Variants in GADL1 observed in about 807,000 individuals in gnomAD.
GADL1 encodes GAD like acidic amino acid decarboxylase 1, also known as acidic amino acid decarboxylase GADL1.
Under a neutral mutation model 69.5 loss-of-function variants are expected in GADL1, and 71 were observed. The ratio of observed to expected loss-of-function variants is 1.02; its 90% CI spans 0.84 to 1.25. The LOEUF is 1.25. GADL1 is among the 50% of genes most tolerant of loss of function. The probability of loss-of-function intolerance (pLI) is 0.00; values close to 1 mark genes in which losing one functional copy is unlikely to be tolerated. For missense variants in GADL1, 737 were observed against 631.8 expected, an observed-to-expected ratio of 1.17 and a Z score of -1.79; for synonymous variants, 254 against 214.4, an observed-to-expected ratio of 1.18 and a Z score of -1.62.
chr3:30,740,672 C>T (rs1217476142), intron 14 of GADL1, among the ~76,000 whole-genome samples: 2 of 151,792 alleles, frequency 1.3e-5, no homozygotes, highest in African/African-American at 4.8e-5. Flanking sequence ...CATATATGCC[C>T]CTAGGGTTTC....
chr3:30,888,956 T>A (rs1008593382), intron 1 of GADL1, among the ~76,000 whole-genome samples: 4 of 151,826 alleles, frequency 2.6e-5, no homozygotes, highest in Non-Finnish European at 2.9e-5. Context: ...GCAATATATA[T>A]AAATGTATAA....
intron 2 of GADL1, among the ~76,000 whole-genome samples, chr3:30,858,581 C>T (rs994562103): frequency 3.3e-5 from 5 of 152,054 alleles, no homozygotes; most frequent in African/African-American, 1.2e-4. Context: ...CCCAAGGTTT[C>T]CAGCTTGGAC....
At chr3:30,857,227 A>T (rs760405479) in intron 2 of GADL1, 86 bp from the exon 3 acceptor site, 32 of 1,155,378 alleles carry the variant, frequency 2.8e-5, no homozygotes, top group Middle Eastern at 2.0e-4. Flanking sequence ...TACCATTACA[A>T]AGCTTCTGGG....
chr3:30,860,767 T>C (rs1698308601), intron 2 of GADL1, among the ~76,000 whole-genome samples: 1 of 151,990 alleles, frequency 6.6e-6, no homozygotes, highest in African/African-American at 2.4e-5. Flanking sequence ...GATTCGGTAA[T>C]TTTAAGAGGC....
intron 1 of GADL1, among the ~76,000 whole-genome samples, chr3:30,871,499 C>A (rs1354294205): frequency 1.3e-5 from 2 of 151,800 alleles, no homozygotes; most frequent in Non-Finnish European, 2.9e-5. Flanking sequence ...AATGGATAGA[C>A]AGCTTTTCTC....
At chr3:30,885,433 C>T (rs559970592) in intron 1 of GADL1, among the ~76,000 whole-genome samples, 1 of 152,130 alleles carries the variant, frequency 6.6e-6, no homozygotes, top group African/African-American at 2.4e-5. Context: ...GCTAAAAAGC[C>T]TGGCCTAAAG....
intron 2 of GADL1, among the ~76,000 whole-genome samples, chr3:30,857,451 G>T (rs1698247221): frequency 6.6e-6 from 1 of 151,922 alleles, no homozygotes; most frequent in South Asian, 2.1e-4. Flanking sequence ...AAGTAACAAA[G>T]ATCAAAAGTA....
chr3:30,867,844 T>G lies in GADL1; in HGVS notation c.38-6079A>C, dbSNP rs546418426. Among the ~76,000 whole-genome samples the G allele has an allele frequency of 2.6e-5, 4 of 152,054 alleles. No individual in the cohort carries two copies. The South Asian group carries it at 8.3e-4, about 32-fold the overall frequency. On this transcript the variant is annotated intron_variant, in intron 1 of 14. Coordinates refer to ENST00000282538, the MANE Select transcript of GADL1 (RefSeq NM_207359.3). ...ATAGAAGATAATAAGTGTCAAGTAGTGCCACGTGGAAGACACCAATAAAAT... is the reference window on the plus strand; with the variant it reads ...ATAGAAGATAATAAGTGTCAAGTAGGGCCACGTGGAAGACACCAATAAAAT...
chr3:30,730,922 C>A (rs1331240693), intron 14 of GADL1, among the ~76,000 whole-genome samples: 1 of 152,156 alleles, frequency 6.6e-6, no homozygotes, highest in Non-Finnish European at 1.5e-5. Context: ...TAATTTAAAC[C>A]TCTGACCCAC....
chr3:30,728,020 T>C lies in GADL1; in HGVS notation c.*222A>G, dbSNP rs185303437. The C allele has an allele frequency of 2.2e-3, 946 of 430,966 alleles. 10 individuals are homozygous for C. Among genetic ancestry groups the C allele is most frequent in the African/African-American group, 0.017 (877 of 50,446 alleles). The allele number at this position is 430,966 out of a possible 1,614,324, so 26.7% of individuals were successfully genotyped here. A position where few individuals can be genotyped will look rare whatever the true frequency, so the allele number is the denominator to read the frequency against. On this transcript the variant is annotated 3_prime_UTR_variant, in exon 15 of 15. Transcript: ENST00000282538. ...GTTCCAGGGGCATTCCTTGAGAAAA[T>C]CATTTTTTTTTTTAAACTTTCTTCT...
intron 14 of GADL1, among the ~76,000 whole-genome samples, chr3:30,751,793 GTT>G (rs10545765): frequency 0.099 from 14,365 of 145,256 alleles, 752 homozygotes; most frequent in South Asian, 0.21. Context: ...ATGGCTCATA[GTT>G]TTTAGAGGAA....
intron 1 of GADL1, among the ~76,000 whole-genome samples, chr3:30,878,578 T>G (rs1333345231): frequency 6.6e-6 from 1 of 151,916 alleles, no homozygotes; most frequent in Non-Finnish European, 1.5e-5. Context: ...CTTCATAAAA[T>G]GCATAACTTA....
At chr3:30,751,071 C>T (rs759961922) in intron 14 of GADL1, among the ~76,000 whole-genome samples, 2 of 152,002 alleles carry the variant, frequency 1.3e-5, no homozygotes, top group Non-Finnish European at 2.9e-5. Flanking sequence ...GCAGCCAATT[C>T]GCATAAGCAA....
At chr3:30,770,440 C>A (rs1171030238) in intron 14 of GADL1, among the ~76,000 whole-genome samples, 1 of 152,172 alleles carries the variant, frequency 6.6e-6, no homozygotes, top group Non-Finnish European at 1.5e-5. Flanking sequence ...AGTGGCACTC[C>A]GTACAGAGAA....
intron 1 of GADL1, among the ~76,000 whole-genome samples, chr3:30,867,429 T>TAC: frequency 6.9e-6 from 1 of 144,834 alleles, no homozygotes; most frequent in South Asian, 2.2e-4. Flanking sequence ...ACTACATATA[T>TAC]ATATATATAT....
chr3:30,874,071 C>A (rs962543351), intron 1 of GADL1, among the ~76,000 whole-genome samples: 2 of 151,898 alleles, frequency 1.3e-5, no homozygotes, highest in African/African-American at 2.4e-5. Flanking sequence ...CTGTTACCTG[C>A]AAGAAAAATG....
At chr3:30,730,543 G>A (rs963290665) in intron 14 of GADL1, among the ~76,000 whole-genome samples, 3 of 152,144 alleles carry the variant, frequency 2.0e-5, no homozygotes, top group African/African-American at 7.2e-5. Context: ...TGCAAGAACA[G>A]TGGAGGGCCC....
intron 11 of GADL1, among the ~76,000 whole-genome samples, chr3:30,823,587 A>G (rs1313591552): frequency 6.6e-6 from 1 of 151,964 alleles, no homozygotes; most frequent in Non-Finnish European, 1.5e-5. Context: ...TCCTAAGGGT[A>G]AATTTTCAAA....
intron 1 of GADL1, among the ~76,000 whole-genome samples, chr3:30,879,183 A>T (rs1034816105): frequency 6.6e-6 from 1 of 151,824 alleles, no homozygotes; most frequent in African/African-American, 2.4e-5. Context: ...ATGGCTTCTT[A>T]TCTCTCATGT....
Sources: allele counts gnomAD v4.1 joint callset (sites outside exome capture counted in the v4.1 genomes callset), GRCh38; gene constraint gnomAD v4.1.1; transcripts MANE v1.5; gene names NCBI Gene and HGNC (gene_info 2026-07-23, HGNC 2026-07-21).